Variants in ARPP21 observed in about 807,000 individuals in gnomAD.
The protein encoded by ARPP21 is cAMP regulated phosphoprotein 21, also known as cAMP-regulated phosphoprotein 21.
ARPP21 carries 69 observed loss-of-function variants against 113.2 expected under a neutral mutation model. The observed-to-expected ratio is 0.61, with a 90% confidence interval of 0.50 to 0.74. The LOEUF (loss-of-function observed/expected upper bound fraction) is 0.74. Among genes scored for constraint, ARPP21 ranks in the 30% least tolerant of loss-of-function variants. The pLI, the probability that ARPP21 is intolerant of heterozygous loss-of-function variation, is 0.00. For missense variants in ARPP21, 1,070 were observed against 1,037.4 expected, an observed-to-expected ratio of 1.03 and a Z score of -0.43; for synonymous variants, 368 against 375.5, an observed-to-expected ratio of 0.98 and a Z score of 0.23.
rs1216330206 is a variant in ARPP21 at position 35,639,868 on chromosome 3, G to C, written c.-743G>C. On this transcript the variant is annotated 5_prime_UTR_variant, in exon 1 of 21. Coordinates refer to ENST00000684406, the MANE Select transcript of ARPP21 (RefSeq NM_001385562.1). This position sits in a 1 kb window ranked among gnomAD's most constrained non-coding sequence, Gnocchi z 5.0. The stretch of plus-strand genomic sequence containing the variant: ...GATTCGGACGGACGGACAGACCAGC[G>C]CACAGACTGGCAGCCTGCGAGAGTG... 1 of 152,518 alleles carries C rather than the reference G, an allele frequency of 6.6e-6. No individual in the cohort carries two copies. Among genetic ancestry groups the C allele is most frequent in the African/African-American group, 2.4e-5 (1 of 41,464 alleles). The allele number at this position is 152,518 out of a possible 1,614,324, so 9.4% of individuals were successfully genotyped here. A position where few individuals can be genotyped will look rare whatever the true frequency, so the allele number is the denominator to read the frequency against.
At chr3:35,791,827 A>G (rs1240279175) in intron 19 of ARPP21, among the ~76,000 whole-genome samples, 1 of 152,206 alleles carries the variant, frequency 6.6e-6, no homozygotes, top group African/African-American at 2.4e-5. Flanking sequence ...CTTTTTGTCT[A>G]AGGCAGTGGT....
rs562438728 is a variant in ARPP21, at chr3:35,644,954, G to A, written c.-213+4556G>A. 3.9e-4 allele frequency among the ~76,000 whole-genome samples: 59 copies of A among 151,900 alleles called. 1 individual carries two copies. In the South Asian group the frequency reaches 0.012, roughly 30 times the overall value. On this transcript the variant is annotated intron_variant, in intron 1 of 20. Coordinates refer to ENST00000684406, the MANE Select transcript of ARPP21 (RefSeq NM_001385562.1). The stretch of plus-strand genomic sequence containing the variant: ...TTTAGAAGATTTTTGTATACGTTTT[G>A]TAATAAACTGATATATATTAGGATA...
intron 5 of ARPP21, chr3:35,685,356 C>T (rs1183229471): frequency 2.0e-6 from 2 of 984,896 alleles, no homozygotes; most frequent in Non-Finnish European, 2.4e-6. Context: ...AGCCTGCAAG[C>T]CTCTCTTTGG....
chr3:35,743,951 C>T lies in ARPP21; in HGVS notation c.2123C>T (p.Ala708Val). ...NAQRSQQMPQ[A>V]AQQAGYQPVL... ...CAGAGGAGTCAACAGATGCCACAGG[C>T]AGCACAGCAAGCAGGTACTTGGAAT... The change falls in exon 19 of 21, where the codon GCA becomes GTA. Residue 708 changes from alanine (A) to valine (V), a missense_variant. Coordinates refer to ENST00000684406, the MANE Select transcript of ARPP21 (RefSeq NM_001385562.1). 1 of 1,614,086 alleles carries T rather than the reference C, an allele frequency of 6.2e-7. No homozygotes were observed. The highest frequency in any genetic ancestry group is 8.5e-7 in the Non-Finnish European group (1 of 1,179,984).
chr3:35,750,658 T>C (rs1428716247), intron 19 of ARPP21, among the ~76,000 whole-genome samples: 1 of 152,072 alleles, frequency 6.6e-6, no homozygotes, highest in Non-Finnish European at 1.5e-5. Context: ...TGCTGAGAGG[T>C]GGATATTCAC....
chr3:35,664,207 T>A (rs1709121659), intron 1 of ARPP21, among the ~76,000 whole-genome samples: 1 of 152,216 alleles, frequency 6.6e-6, no homozygotes, highest in African/African-American at 2.4e-5. Flanking sequence ...GGGTATAATG[T>A]GGTATTTCAA....
intron 19 of ARPP21, chr3:35,785,217 G>C (rs1257740147): frequency 6.6e-6 from 1 of 152,122 alleles, no homozygotes; most frequent in African/African-American, 2.4e-5. Context: ...TAACACGACG[G>C]GTAGAGGTGC....
At chr3:35,686,272 A>G (rs2080536078) in intron 5 of ARPP21, among the ~76,000 whole-genome samples, 1 of 151,638 alleles carries the variant, frequency 6.6e-6, no homozygotes, top group South Asian at 2.1e-4. Context: ...ACCTGCCTGA[A>G]CCTTTGCATA....
At chr3:35,785,099 C>T (rs1188646516) in intron 19 of ARPP21, 2 of 152,084 alleles carry the variant, frequency 1.3e-5, no homozygotes, top group East Asian at 3.9e-4. Flanking sequence ...TTATTAGAGC[C>T]ACCTCCATTT....
At chr3:35,660,043 T>A (rs774458827) in intron 1 of ARPP21, among the ~76,000 whole-genome samples, 2 of 152,146 alleles carry the variant, frequency 1.3e-5, no homozygotes, top group Non-Finnish European at 2.9e-5. Context: ...AAGGGACAGA[T>A]CAATGTTCTA....
At chr3:35,729,191 C>T (rs775165691) in intron 14 of ARPP21, 112 bp from the exon 15 acceptor site, 11 of 681,820 alleles carry the variant, frequency 1.6e-5, no homozygotes, top group Admixed American at 4.9e-5. Context: ...CTACAGCATG[C>T]GTCTCAAATT....
intron 19 of ARPP21, among the ~76,000 whole-genome samples, chr3:35,782,199 A>G (rs1315515363): frequency 6.6e-6 from 1 of 152,208 alleles, no homozygotes; most frequent in Non-Finnish European, 1.5e-5. Flanking sequence ...TGGAAATTTC[A>G]GTTGATTGTC....
At chr3:35,671,149 G>A (rs2076249361) in intron 1 of ARPP21, among the ~76,000 whole-genome samples, 1 of 152,074 alleles carries the variant, frequency 6.6e-6, no homozygotes, top group Admixed American at 6.6e-5. Context: ...GACATCAGAT[G>A]AAAAACACTT....
chr3:35,716,737 A>G (rs1043887267), intron 12 of ARPP21, among the ~76,000 whole-genome samples: 3 of 151,914 alleles, frequency 2.0e-5, no homozygotes, highest in African/African-American at 7.2e-5. Context: ...GATTTTCCCT[A>G]TCTTCCTCCC....
At chr3:35,707,490 A>C (rs1364674913) in intron 10 of ARPP21, 1 of 463,338 alleles carries the variant, frequency 2.2e-6, no homozygotes, top group Non-Finnish European at 4.3e-6. Flanking sequence ...CTGGATTATC[A>C]ATACGGACCG....
intron 14 of ARPP21, among the ~76,000 whole-genome samples, chr3:35,728,874 C>T (rs996132259): frequency 2.0e-5 from 3 of 152,146 alleles, no homozygotes; most frequent in Non-Finnish European, 4.4e-5. Flanking sequence ...CATCATAGGG[C>T]TCTTCCTTAA....
intron 9 of ARPP21, among the ~76,000 whole-genome samples, chr3:35,696,920 AG>A (rs2084283084): frequency 6.6e-6 from 1 of 151,454 alleles, no homozygotes; most frequent in South Asian, 2.1e-4. Context: ...TTTGACACAA[AG>A]CAGTTTATTG....
intron 1 of ARPP21, among the ~76,000 whole-genome samples, chr3:35,664,959 A>G (rs909701703): frequency 2.0e-5 from 3 of 152,158 alleles, no homozygotes; most frequent in African/African-American, 7.2e-5. Context: ...GTGTGTGTGT[A>G]ACCTAATTCA....
At chr3:35,667,549 A>G (rs1037613459) in intron 1 of ARPP21, among the ~76,000 whole-genome samples, 1 of 152,112 alleles carries the variant, frequency 6.6e-6, no homozygotes. Context: ...GATTCTTCTC[A>G]AAGAAGCAGT....
Sources: allele counts gnomAD v4.1 joint callset (sites outside exome capture counted in the v4.1 genomes callset), GRCh38; gene constraint gnomAD v4.1.1; non-coding constraint Gnocchi (gnomAD v3.1); transcripts MANE v1.5; gene names NCBI Gene and HGNC (gene_info 2026-07-23, HGNC 2026-07-21).